ZC3H10: variants seen among roughly 807,000 people sequenced by gnomAD.
ZC3H10 encodes zinc finger CCCH-type containing 10, also known as zinc finger CCCH domain-containing protein 10.
ZC3H10 carries 12 observed loss-of-function variants against 24.3 expected under a neutral mutation model. The ratio of observed to expected loss-of-function variants is 0.49; its 90% CI spans 0.32 to 0.80. The LOEUF (loss-of-function observed/expected upper bound fraction) is 0.80. Ranked by LOEUF, ZC3H10 falls within the 30% of genes least tolerant of loss-of-function variation. The pLI, the probability that ZC3H10 is intolerant of heterozygous loss-of-function variation, is 0.04. For synonymous variants in ZC3H10, 226 were observed against 217.0 expected, an observed-to-expected ratio of 1.04 and a Z score of -0.36; for missense variants, 360 against 576.3, an observed-to-expected ratio of 0.62 and a Z score of 3.84.
Position 56,121,236 on chromosome 12 carries a change from A to G in ZC3H10, c.674A>G (p.Tyr225Cys), listed in dbSNP as rs756760763. 4 of 1,613,516 alleles carry G rather than the reference A, an allele frequency of 2.5e-6. No homozygotes were observed. The highest frequency in any genetic ancestry group is 1.6e-4 in the Middle Eastern group (1 of 6,062). ...CPPDGPHFES[Y>C]EYSLAPPRGV... The stretch of plus-strand genomic sequence containing the variant: ...CCTGATGGCCCTCATTTTGAGTCAT[A>G]TGAATATAGTTTGGCTCCACCGCGA... Residue 225 changes from tyrosine (Y) to cysteine (C), a missense_variant, in exon 3 of 3, where the codon TAT becomes TGT. Physicochemically the swap from Tyr to Cys is radical, Grantham distance 194. This residue lies in a region of ZC3H10 where 101 missense variants were observed against 110.8 expected (regional missense o/e 0.91). Transcript: ENST00000257940. The surrounding 1 kb of genome is among the most constrained non-coding windows in gnomAD (Gnocchi z 6.2).
In ZC3H10 at chr12:56,123,278, G is replaced by T. The variant is rs1276059411; in HGVS notation, c.*1411G>T. The T allele has an allele frequency of 1.3e-5, 2 of 151,722 alleles. No individual in the cohort carries two copies. The highest frequency in any genetic ancestry group is 1.9e-4 in the East Asian group (1 of 5,184). 9.4% of individuals were successfully genotyped at this position (151,722 alleles called of 1,614,324 possible). ...CTACCTCTTGCTTTCTTGTCTGGTT[G>T]ATCACTCAGGTCACATCTGGGATTG... is the stretch of plus-strand genomic sequence containing the variant. On this transcript the variant is annotated 3_prime_UTR_variant, in exon 3 of 3. Coordinates refer to ENST00000257940, the MANE Select transcript of ZC3H10 (RefSeq NM_032786.3).
In ZC3H10 at chr12:56,121,044, G is replaced by A; in HGVS notation, c.482G>A (p.Arg161Gln). ...AAGTGCAAGTTCCGTCACCTGCAAC[G>A]GGATTTTGAGTTTGATGCTCGGGGT... Reference protein sequence around the residue: ...GAKCKFRHLQRDFEFDARGGG... With the variant: ...GAKCKFRHLQQDFEFDARGGG... The change falls in exon 3 of 3, where the codon CGG (arginine) becomes CAG (glutamine). Residue 161 changes from arginine (R) to glutamine (Q), a missense_variant. Transcript: ENST00000257940. This position sits in a 1 kb window ranked among gnomAD's most constrained non-coding sequence, Gnocchi z 6.2. 2.5e-6 allele frequency: 4 copies of A among 1,614,190 alleles called. No individual in the cohort carries two copies. Among genetic ancestry groups the A allele is most frequent in the Non-Finnish European group, 2.5e-6 (3 of 1,180,050 alleles).
rs908513127 is a variant in ZC3H10, at chr12:56,122,722, T to G, written c.*855T>G. The G allele has an allele frequency of 6.6e-6, 1 of 152,200 alleles. No homozygotes were observed. The highest frequency in any genetic ancestry group is 2.4e-5 in the African/African-American group (1 of 41,438). The allele number at this position is 152,200 out of a possible 1,614,324, so 9.4% of individuals were successfully genotyped here. A position where few individuals can be genotyped will look rare whatever the true frequency, so the allele number is the denominator to read the frequency against. On this transcript the variant is annotated 3_prime_UTR_variant, in exon 3 of 3. Coordinates refer to ENST00000257940, the MANE Select transcript of ZC3H10 (RefSeq NM_032786.3). ...CCACCCAGTCTAGTTTTAAAAATAGTCCCATCTGTTTCTGGTCTCTGTCTG... is the reference window on the plus strand; with the variant it reads ...CCACCCAGTCTAGTTTTAAAAATAGGCCCATCTGTTTCTGGTCTCTGTCTG...
rs1166488398 is a variant in ZC3H10, at chr12:56,119,119, C to G, written c.-85C>G. The G allele has an allele frequency of 6.5e-6, 1 of 152,708 alleles. No homozygotes were observed. Among genetic ancestry groups the G allele is most frequent in the Non-Finnish European group, 1.5e-5 (1 of 68,090 alleles). 9.5% of individuals were successfully genotyped at this position (152,708 alleles called of 1,614,324 possible). The stretch of plus-strand genomic sequence containing the variant: ...GCAGTGATGTGGAGGTGGAGACCCA[C>G]AGGAGCCCCGGACTTCACCTGAGCT... On this transcript the variant is annotated 5_prime_UTR_variant, in exon 2 of 3. Transcript: ENST00000257940.
Position 56,121,265 on chromosome 12 carries a change from G to A in ZC3H10, c.703G>A (p.Val235Met), listed in dbSNP as rs1162380729. 6.2e-7 allele frequency: 1 copy of A among 1,613,416 alleles called. No individual in the cohort carries two copies. ...YEYSLAPPRGVECRLLEEENA... is the reference protein window; with the variant it reads ...YEYSLAPPRGMECRLLEEENA... ...ATATAGTTTGGCTCCACCGCGAGGG[G>A]TGGAGTGCAGACTGCTAGAGGAGGA... The change falls in exon 3 of 3, where the codon GTG (valine) becomes ATG (methionine). Residue 235 changes from valine (V) to methionine (M), a missense_variant. Physicochemically the swap from Val to Met is conservative, Grantham distance 21. Coordinates refer to ENST00000257940, the MANE Select transcript of ZC3H10 (RefSeq NM_032786.3). This position sits in a 1 kb window ranked among gnomAD's most constrained non-coding sequence, Gnocchi z 6.2.
At position 56,122,568 on chromosome 12, in the gene ZC3H10, A is replaced by G. The variant is rs1311723545; in HGVS notation, c.*701A>G. 6.1e-6 allele frequency: 1 copy of G among 162,652 alleles called. No individual in the cohort carries two copies. Among genetic ancestry groups the G allele is most frequent in the Non-Finnish European group, 1.5e-5 (1 of 68,088 alleles). The allele number at this position is 162,652 out of a possible 1,614,324, so 10.1% of individuals were successfully genotyped here. ...AGCAGTAAATAGATCTCATGCCAAA[A>G]TGGGATAAAGACCCCAGCCTCACAT... On this transcript the variant is annotated 3_prime_UTR_variant, in exon 3 of 3. Transcript: ENST00000257940.
Position 56,121,756 on chromosome 12 carries a change from T to A in ZC3H10, c.1194T>A (p.Ala398=). Residue 398 remains alanine, a synonymous_variant, in exon 3 of 3, where the codon GCT becomes GCA. Transcript: ENST00000257940. This position sits in a 1 kb window ranked among gnomAD's most constrained non-coding sequence, Gnocchi z 6.2. ...AVSVAPVAPV[A]VSMAQPLAGI... ...CTGTGGCTCCTGTGGCCCCTGTGGC[T>A]GTATCGATGGCCCAACCCTTGGCAG... 3.1e-6 allele frequency: 5 copies of A among 1,614,154 alleles called. No homozygotes were observed. The highest frequency in any genetic ancestry group is 4.2e-6 in the Non-Finnish European group (5 of 1,180,006).
chr12:56,125,959 T>G lies in ZC3H10; in HGVS notation c.*4092T>G, dbSNP rs1261734630. 8 of 151,952 alleles carry G rather than the reference T, an allele frequency of 5.3e-5. No homozygotes were observed. The highest frequency in any genetic ancestry group is 5.2e-4 in the Admixed American group (8 of 15,258). The allele number at this position is 151,952 out of a possible 1,614,324, so 9.4% of individuals were successfully genotyped here. ...GTACATGCCACCATGCTCGGCTAAT[T>G]TTTGTATTTTTAGTAGAGACGGGGT... On this transcript the variant is annotated 3_prime_UTR_variant, in exon 3 of 3. Coordinates refer to ENST00000257940, the MANE Select transcript of ZC3H10 (RefSeq NM_032786.3).
At position 56,121,209 on chromosome 12, in the gene ZC3H10, C is replaced by G. The variant is rs760797657; in HGVS notation, c.647C>G (p.Pro216Arg). 1 of 1,613,918 alleles carries G rather than the reference C, an allele frequency of 6.2e-7. No homozygotes were observed. ...AAACGCCGGCGAGGTGGATGCTGCCCCCCTGATGGCCCTCATTTTGAGTCA... is the reference window on the plus strand; with the variant it reads ...AAACGCCGGCGAGGTGGATGCTGCCGCCCTGATGGCCCTCATTTTGAGTCA... ...GPKRRRGGCC[P>R]PDGPHFESYE... is the part of the protein sequence containing the mutation. The change falls in exon 3 of 3, where the codon CCC becomes CGC. Residue 216 changes from proline to arginine, a missense_variant. Physicochemically the swap from Pro to Arg is moderately radical, Grantham distance 103. Around this residue, in one of 3 missense-constraint regions of ZC3H10, gnomAD observed 101 missense variants for 110.8 expected, o/e 0.91. Transcript: ENST00000257940. The surrounding 1 kb of genome is among the most constrained non-coding windows in gnomAD (Gnocchi z 6.2).
rs1033947761 is a variant in ZC3H10 at position 56,121,771 on chromosome 12, A to G, written c.1209A>G (p.Gln403=). The G allele has an allele frequency of 1.1e-5, 17 of 1,613,730 alleles. No individual in the cohort carries two copies. The highest frequency in any genetic ancestry group is 5.0e-5 in the Admixed American group (3 of 59,962). The change falls in exon 3 of 3, where the codon CAA becomes CAG. Residue 403 remains glutamine (Q), a synonymous_variant. Coordinates refer to ENST00000257940, the MANE Select transcript of ZC3H10 (RefSeq NM_032786.3). The surrounding 1 kb of genome is among the most constrained non-coding windows in gnomAD (Gnocchi z 6.2). ...PVAPVAVSMA[Q]PLAGITMSHT... ...CCCCTGTGGCTGTATCGATGGCCCA[A>G]CCCTTGGCAGGAATCACAATGAGCC...
rs1592241854 is a variant in ZC3H10 at position 56,125,153 on chromosome 12, A to G, written c.*3286A>G. On this transcript the variant is annotated 3_prime_UTR_variant, in exon 3 of 3. Coordinates refer to ENST00000257940, the MANE Select transcript of ZC3H10 (RefSeq NM_032786.3). ...AGAAAGCTTCAAATAGAAGTCTTCAAATATTTGAAGGGCTGCCCAGTGGAG... is the reference window on the plus strand; with the variant it reads ...AGAAAGCTTCAAATAGAAGTCTTCAGATATTTGAAGGGCTGCCCAGTGGAG... 1 of 152,194 alleles carries G rather than the reference A, an allele frequency of 6.6e-6. No homozygotes were observed. The highest frequency in any genetic ancestry group is 2.4e-5 in the African/African-American group (1 of 41,446). 9.4% of individuals were successfully genotyped at this position (152,194 alleles called of 1,614,324 possible). A position where few individuals can be genotyped will look rare whatever the true frequency, so the allele number is the denominator to read the frequency against.
chr12:56,122,040 C>A lies in ZC3H10; in HGVS notation c.*173C>A. ...GTTGGGATGGTGTGTTTTCTCTCACCTCCCTTTTATGAGGGTCCTCTTGTC... is the reference window on the plus strand; with the variant it reads ...GTTGGGATGGTGTGTTTTCTCTCACATCCCTTTTATGAGGGTCCTCTTGTC... On this transcript the variant is annotated 3_prime_UTR_variant, in exon 3 of 3. Transcript: ENST00000257940. 1.3e-6 allele frequency: 1 copy of A among 787,608 alleles called. No homozygotes were observed. Among genetic ancestry groups the A allele is most frequent in the Non-Finnish European group, 2.0e-6 (1 of 506,444 alleles). The allele number at this position is 787,608 out of a possible 1,614,324, so 48.8% of individuals were successfully genotyped here.
rs1365158863 is a variant in ZC3H10 at position 56,127,234 on chromosome 12, C to G, written c.*5367C>G. ...CACTTTTTCCTTCCTAAACCTACAC[C>G]GTACACTGTGGGACTGCACTAGTTC... On this transcript the variant is annotated 3_prime_UTR_variant, in exon 3 of 3. Transcript: ENST00000257940. 4.6e-5 allele frequency: 7 copies of G among 152,152 alleles called. No homozygotes were observed. The highest frequency in any genetic ancestry group is 1.7e-4 in the African/African-American group (7 of 41,418). The allele number at this position is 152,152 out of a possible 1,614,324, so 9.4% of individuals were successfully genotyped here. A position where few individuals can be genotyped will look rare whatever the true frequency, so the allele number is the denominator to read the frequency against.
Position 56,120,246 on chromosome 12 carries a change from T to C in ZC3H10, c.-52-265T>C, listed in dbSNP as rs1416453734. The C allele has an allele frequency of 3.0e-6, 3 of 985,366 alleles. No individual in the cohort carries two copies. The African/African-American group carries it at 5.2e-5, about 17-fold the overall frequency. The allele number at this position is 985,366 out of a possible 1,614,324, so 61.0% of individuals were successfully genotyped here. ...AATAAGGTCAGCTCAAAAGGAAAGA[T>C]GAATTCCAACACTATTTTTTCCCTG... On this transcript the variant is annotated intron_variant, in intron 2 of 2. Transcript: ENST00000257940.
At position 56,121,663 on chromosome 12, in the gene ZC3H10, T is replaced by C. The variant is rs996073694; in HGVS notation, c.1101T>C (p.Ala367=). 3.7e-6 allele frequency: 6 copies of C among 1,611,328 alleles called. No homozygotes were observed. Among genetic ancestry groups the C allele is most frequent in the Middle Eastern group, 3.3e-4 (2 of 6,058 alleles). The part of the protein sequence containing the change: ...HLTPEITPLS[A]ALAQTIAQGM... Reference sequence around the variant, plus strand: ...CCCCAGAGATCACGCCACTGTCAGCTGCCCTGGCTCAAACAATTGCCCAGG... The same window carrying C: ...CCCCAGAGATCACGCCACTGTCAGCCGCCCTGGCTCAAACAATTGCCCAGG... Residue 367 remains alanine, a synonymous_variant, in exon 3 of 3, where the codon GCT becomes GCC. Transcript: ENST00000257940. The surrounding 1 kb of genome is among the most constrained non-coding windows in gnomAD (Gnocchi z 6.2).
rs1417301626 is a variant in ZC3H10 at position 56,121,259 on chromosome 12, C to T, written c.697C>T (p.Arg233Ter). The change falls in exon 3 of 3, where the codon CGA (arginine) becomes TGA (stop). Residue 233 changes from arginine (R) to a stop codon, truncating the protein, a stop_gained. Coordinates refer to ENST00000257940, the MANE Select transcript of ZC3H10 (RefSeq NM_032786.3). LOFTEE classifies it high-confidence loss of function. The surrounding 1 kb of genome is among the most constrained non-coding windows in gnomAD (Gnocchi z 6.2). ...ESYEYSLAPP[R>*]GVECRLLEEE... ...ATATGAATATAGTTTGGCTCCACCGCGAGGGGTGGAGTGCAGACTGCTAGA... is the reference window on the plus strand; with the variant it reads ...ATATGAATATAGTTTGGCTCCACCGTGAGGGGTGGAGTGCAGACTGCTAGA... The T allele has an allele frequency of 3.1e-6, 5 of 1,613,194 alleles. No individual in the cohort carries two copies. Among genetic ancestry groups the T allele is most frequent in the South Asian group, 1.1e-5 (1 of 91,078 alleles).
At chr12:56,119,918 G>T (rs1026551035) in intron 2 of ZC3H10, 1 of 152,172 alleles carries the variant, frequency 6.6e-6, no homozygotes, top group Non-Finnish European at 1.5e-5. Flanking sequence ...AATAGAAGGG[G>T]CTTACCTCTC....
At position 56,120,683 on chromosome 12, in the gene ZC3H10, A is replaced by T; in HGVS notation, c.121A>T (p.Ile41Phe). Residue 41 changes from isoleucine (I) to phenylalanine (F), a missense_variant, in exon 3 of 3, where the codon ATC (isoleucine) becomes TTC (phenylalanine). By Grantham distance (21) the Ile-to-Phe change is conservative. Coordinates refer to ENST00000257940, the MANE Select transcript of ZC3H10 (RefSeq NM_032786.3). ...VGSGGASSDAICRDFLRNVCK... is the reference protein window; with the variant it reads ...VGSGGASSDAFCRDFLRNVCK... Reference sequence around the variant, plus strand: ...CAGTGGCGGGGCCAGCTCAGATGCCATCTGTAGAGACTTCTTGAGGAATGT... The same window carrying T: ...CAGTGGCGGGGCCAGCTCAGATGCCTTCTGTAGAGACTTCTTGAGGAATGT... The T allele has an allele frequency of 6.2e-7, 1 of 1,610,142 alleles. No individual in the cohort carries two copies. The highest frequency in any genetic ancestry group is 8.5e-7 in the Non-Finnish European group (1 of 1,178,276).
In ZC3H10 at chr12:56,121,362, T is replaced by G; in HGVS notation, c.800T>G (p.Val267Gly). 1 of 1,613,866 alleles carries G rather than the reference T, an allele frequency of 6.2e-7. No individual in the cohort carries two copies. Among genetic ancestry groups the G allele is most frequent in the Non-Finnish European group, 8.5e-7 (1 of 1,179,970 alleles). ...QVSNLLATNE[V>G]LLEQNAQFRN... ...AGCAACCTGCTGGCCACCAATGAGG[T>G]ACTACTGGAACAAAATGCTCAGTTC... Residue 267 changes from valine to glycine, a missense_variant, in exon 3 of 3, where the codon GTA becomes GGA. By Grantham distance (109) the Val-to-Gly change is moderately radical. Coordinates refer to ENST00000257940, the MANE Select transcript of ZC3H10 (RefSeq NM_032786.3). This position sits in a 1 kb window ranked among gnomAD's most constrained non-coding sequence, Gnocchi z 6.2.
Sources: allele counts gnomAD v4.1 joint callset, GRCh38; gene constraint gnomAD v4.1.1; regional missense constraint gnomAD v4.1.1; non-coding constraint Gnocchi (gnomAD v3.1); transcripts MANE v1.5; gene names NCBI Gene and HGNC (gene_info 2026-07-23, HGNC 2026-07-21).